Variants in GPC3 observed in about 807,000 individuals in gnomAD.
GPC3 encodes glypican-3.
GPC3 carries 3 observed loss-of-function variants against 34.4 expected under a neutral mutation model. The observed-to-expected ratio is 0.09, with a 90% CI of 0.04 to 0.23. The LOEUF (loss-of-function observed/expected upper bound fraction) is 0.23, where lower values mean the gene tolerates loss of function less well. GPC3 is among the 10% of genes least tolerant of loss of function. GPC3 has a pLI of 1.00. For synonymous variants in GPC3, 177 were observed against 174.0 expected, an observed-to-expected ratio of 1.02 and a Z score of -0.13; for missense variants, 351 against 445.6, an observed-to-expected ratio of 0.79 and a Z score of 1.91.
chrX:133,643,921 G>T (rs1343254406), intron 6 of GPC3, among the ~76,000 whole-genome samples: 1 of 106,503 alleles, frequency 9.4e-6, no homozygotes, highest in Non-Finnish European at 1.9e-5. Flanking sequence ...TCTGCCTTCC[G>T]GTTTCAAGCG....
At chrX:133,559,440 C>T (rs2069522891) in intron 7 of GPC3, among the ~76,000 whole-genome samples, 1 of 111,388 alleles carries the variant, frequency 9.0e-6, no homozygotes, top group African/African-American at 3.3e-5. Flanking sequence ...GAGGAAAACT[C>T]AGGAAATCTC....
chrX:133,778,866 G>A (rs1184570129), intron 2 of GPC3, among the ~76,000 whole-genome samples: 1 of 111,945 alleles, frequency 8.9e-6, no homozygotes, highest in Non-Finnish European at 1.9e-5. Flanking sequence ...AAACACTTTA[G>A]ATTATCGCAC....
chrX:133,796,358 C>T (rs974646727), intron 2 of GPC3, among the ~76,000 whole-genome samples: 2 of 112,343 alleles, frequency 1.8e-5, no homozygotes, highest in African/African-American at 6.5e-5. Flanking sequence ...AAAAATATGA[C>T]TTTCTACCAT....
intron 7 of GPC3, among the ~76,000 whole-genome samples, chrX:133,550,763 G>A (rs934493178): frequency 8.9e-6 from 1 of 112,011 alleles, no homozygotes; most frequent in African/African-American, 3.2e-5. Flanking sequence ...AGCCACCACT[G>A]ATCCATGAAG....
chrX:133,972,238 A>G (rs1314639347), intron 1 of GPC3, among the ~76,000 whole-genome samples: 1 of 112,417 alleles, frequency 8.9e-6, no homozygotes, highest in African/African-American at 3.2e-5. Flanking sequence ...TCAGAAATAA[A>G]CTTTGAAGTT....
At chrX:133,926,726 G>A (rs1483244318) in intron 2 of GPC3, among the ~76,000 whole-genome samples, 2 of 111,890 alleles carry the variant, frequency 1.8e-5, no homozygotes, top group Non-Finnish European at 3.8e-5. Context: ...ATAGCTGGCT[G>A]ACAGTAACAG....
chrX:133,742,040 G>A (rs1281214688), intron 3 of GPC3, among the ~76,000 whole-genome samples: 5 of 112,495 alleles, frequency 4.4e-5, no homozygotes, highest in South Asian at 7.4e-4. Flanking sequence ...GTTTTCTAGC[G>A]ATAACTTTGC....
intron 5 of GPC3, among the ~76,000 whole-genome samples, chrX:133,688,942 TA>T (rs2071035146): frequency 9.0e-6 from 1 of 111,689 alleles, no homozygotes; most frequent in Non-Finnish European, 1.9e-5. Context: ...GAGTAATTTT[TA>T]AAAAAATTTA....
At chrX:133,707,316 T>C (rs930799445) in intron 3 of GPC3, among the ~76,000 whole-genome samples, 2 of 111,683 alleles carry the variant, frequency 1.8e-5, no homozygotes, top group African/African-American at 6.5e-5. Context: ...TCACACAATA[T>C]ACCCATATGA....
At chrX:133,551,801 C>T (rs1255091967) in intron 7 of GPC3, among the ~76,000 whole-genome samples, 1 of 111,362 alleles carries the variant, frequency 9.0e-6, no homozygotes, top group Non-Finnish European at 1.9e-5. Flanking sequence ...CTCCTGTGCC[C>T]CTCTAGCTCC....
intron 7 of GPC3, among the ~76,000 whole-genome samples, chrX:133,578,727 C>T (rs993447066): frequency 9.0e-6 from 1 of 111,072 alleles, no homozygotes; most frequent in Non-Finnish European, 1.9e-5. Flanking sequence ...CCAAACCAAA[C>T]CAAAGGTTTG....
chrX:133,719,086 C>T (rs2071338601), intron 3 of GPC3, among the ~76,000 whole-genome samples: 1 of 110,849 alleles, frequency 9.0e-6, no homozygotes, highest in South Asian at 3.8e-4. Flanking sequence ...ACACTATAAG[C>T]CAACTAGATC....
At chrX:133,941,760 C>CA (rs1415894596) in intron 2 of GPC3, among the ~76,000 whole-genome samples, 1 of 111,603 alleles carries the variant, frequency 9.0e-6, no homozygotes, top group African/African-American at 3.3e-5. Flanking sequence ...TAAACCCCCA[C>CA]AAAAAAAGAA....
At position 133,551,123 on chromosome X, in the gene GPC3, GC is replaced by G. The variant is rs747432468; in HGVS notation, c.1574-14831del. ...GACCCCTGTCCCAGCCTCACAATCT[GC>G]CCCCCCCCACCCCACCCTTCGCCCT... On this transcript the variant is annotated intron_variant, in intron 7 of 7. Coordinates refer to ENST00000370818, the MANE Select transcript of GPC3 (RefSeq NM_004484.4). 6.7e-3 allele frequency among the ~76,000 whole-genome samples: 661 copies of G among 98,294 alleles called. 3 individuals carry two copies. Among genetic ancestry groups the G allele is most frequent in the Non-Finnish European group, 0.011 (534 of 48,819 alleles). 85.4% of individuals were successfully genotyped at this position (98,294 alleles called of 115,157 possible).
rs545444859 is a variant in GPC3, at chrX:133,666,659, C to T, written c.1293-4809G>A. Among the ~76,000 whole-genome samples the T allele has an allele frequency of 2.6e-4, 29 of 112,089 alleles. No homozygotes were observed. In the South Asian group the frequency reaches 0.011, roughly 42 times the overall value. On this transcript the variant is annotated intron_variant, in intron 5 of 7. Coordinates refer to ENST00000370818, the MANE Select transcript of GPC3 (RefSeq NM_004484.4). Reference sequence around the variant, plus strand: ...CTCCTTAGCCAGACAAAATATTGAACCAAATTTTAAAAGTAATCAGTGTTA... The same window carrying T: ...CTCCTTAGCCAGACAAAATATTGAATCAAATTTTAAAAGTAATCAGTGTTA...
chrX:133,566,852 G>A (rs1252732509), intron 7 of GPC3, among the ~76,000 whole-genome samples: 1 of 111,983 alleles, frequency 8.9e-6, no homozygotes, highest in Non-Finnish European at 1.9e-5. Flanking sequence ...TTCTAGGCTA[G>A]AGAAAGAGAT....
At chrX:133,711,575 T>C (rs745985240) in intron 3 of GPC3, among the ~76,000 whole-genome samples, 12 of 111,327 alleles carry the variant, frequency 1.1e-4, no homozygotes, top group Non-Finnish European at 2.3e-4. Flanking sequence ...AGCTCCAGTT[T>C]TGACCTCCTC....
At chrX:133,984,814 T>A (rs2076558597) in intron 1 of GPC3, among the ~76,000 whole-genome samples, 2 of 93,793 alleles carry the variant, frequency 2.1e-5, no homozygotes, top group African/African-American at 8.1e-5. Context: ...CCAGGCTGGG[T>A]AAAGGCGGCG....
At chrX:133,829,624 C>T in intron 2 of GPC3, among the ~76,000 whole-genome samples, 1 of 111,129 alleles carries the variant, frequency 9.0e-6, no homozygotes, top group East Asian at 2.8e-4. Context: ...TGTTTTCTAA[C>T]CATGGTAGAA....
Sources: allele counts gnomAD v4.1 joint callset (sites outside exome capture counted in the v4.1 genomes callset), GRCh38; gene constraint gnomAD v4.1.1; transcripts MANE v1.5; gene names NCBI Gene and HGNC (gene_info 2026-07-23, HGNC 2026-07-21).